Variants in MSH4 observed in about 807,000 individuals in gnomAD.
The protein encoded by MSH4 is mutS protein homolog 4.
Under a neutral mutation model 113.7 loss-of-function variants are expected in MSH4, and 106 were observed. The observed-to-expected ratio is 0.93, with a 90% CI of 0.80 to 1.10. The LOEUF is 1.10. MSH4 is among the 50% of genes least tolerant of loss of function. MSH4 has a pLI of 0.00. For synonymous variants in MSH4, 368 were observed against 380.2 expected (o/e 0.97, Z 0.37); for missense variants, 1,061 against 1,093.7 (o/e 0.97, Z 0.42).
chr1:75,880,168 A>G lies in MSH4; in HGVS notation c.1781+15A>G. 13 of 1,338,846 alleles carry G rather than the reference A, an allele frequency of 9.7e-6. No homozygotes were observed. The highest frequency in any genetic ancestry group is 1.4e-5 in the Non-Finnish European group (13 of 957,510). The allele number at this position is 1,338,846 out of a possible 1,614,324, so 82.9% of individuals were successfully genotyped here. Reference sequence around the variant, plus strand: ...ATGACTTATATGTAAGAGCATTTGAAGTATTTGAATATTGAATTAAATTGG... The same window carrying G: ...ATGACTTATATGTAAGAGCATTTGAGGTATTTGAATATTGAATTAAATTGG... On this transcript the variant is annotated intron_variant, in intron 13 of 19. Transcript: ENST00000263187.
chr1:75,837,839 C>T (rs1369036526), intron 7 of MSH4, among the ~76,000 whole-genome samples: 2 of 152,108 alleles, frequency 1.3e-5, no homozygotes, highest in African/African-American at 4.8e-5. Flanking sequence ...TGCTATATAC[C>T]TCTTGGATGT....
Position 75,912,896 on chromosome 1 carries a change from C to A in MSH4, c.*9C>A. On this transcript the variant is annotated 3_prime_UTR_variant, in exon 20 of 20. Transcript: ENST00000263187. Reference sequence around the variant, plus strand: ...AAAAGACTGAAGAATAATCACAATTCTAATGTAATAATATATCTTAATTCA... The same window carrying A: ...AAAAGACTGAAGAATAATCACAATTATAATGTAATAATATATCTTAATTCA... The A allele has an allele frequency of 6.8e-7, 1 of 1,465,042 alleles. No homozygotes were observed. The highest frequency in any genetic ancestry group is 9.1e-7 in the Non-Finnish European group (1 of 1,100,792). 90.8% of individuals were successfully genotyped at this position (1,465,042 alleles called of 1,614,324 possible). A position where few individuals can be genotyped will look rare whatever the true frequency, so the allele number is the denominator to read the frequency against.
intron 6 of MSH4, among the ~76,000 whole-genome samples, chr1:75,820,429 G>GC (rs1331257549): frequency 6.6e-6 from 1 of 152,182 alleles, no homozygotes; most frequent in Non-Finnish European, 1.5e-5. Flanking sequence ...GTAGAATTTG[G>GC]CTGTGAATCC....
At chr1:75,839,712 A>G (rs1376885838) in intron 7 of MSH4, among the ~76,000 whole-genome samples, 1 of 150,806 alleles carries the variant, frequency 6.6e-6, no homozygotes, top group Non-Finnish European at 1.5e-5. Context: ...AAAAGAAACT[A>G]CCATCAGAGT....
chr1:75,841,162 TCC>T (rs1650950783), intron 7 of MSH4, among the ~76,000 whole-genome samples: 1 of 33,814 alleles, frequency 3.0e-5, no homozygotes, highest in African/African-American at 6.7e-5. Flanking sequence ...TTTCCTTCCC[TCC>T]CTCCCTCCCT....
chr1:75,798,694 C>G (rs1453858452), intron 1 of MSH4, among the ~76,000 whole-genome samples: 2 of 151,330 alleles, frequency 1.3e-5, no homozygotes, highest in Non-Finnish European at 2.9e-5. Flanking sequence ...GTAGCTGGGA[C>G]CAAGGCATGT....
At chr1:75,887,155 G>A (rs1480059075) in intron 15 of MSH4, among the ~76,000 whole-genome samples, 6 of 152,036 alleles carry the variant, frequency 3.9e-5, no homozygotes, top group African/African-American at 1.4e-4. Context: ...CACGTGTCAA[G>A]GGAGGGACCT....
At chr1:75,800,244 G>C (rs1356975718) in intron 1 of MSH4, among the ~76,000 whole-genome samples, 1 of 151,976 alleles carries the variant, frequency 6.6e-6, no homozygotes, top group South Asian at 2.1e-4. Flanking sequence ...TTCTACACAC[G>C]TCTTTATGAT....
chr1:75,828,650 G>T (rs1481762838), intron 7 of MSH4, among the ~76,000 whole-genome samples: 9 of 152,104 alleles, frequency 5.9e-5, no homozygotes, highest in Admixed American at 5.9e-4. Flanking sequence ...AGCTATTGGG[G>T]ACTCCAAAAG....
At chr1:75,798,681 C>T (rs1488852140) in intron 1 of MSH4, among the ~76,000 whole-genome samples, 4 of 151,788 alleles carry the variant, frequency 2.6e-5, no homozygotes, top group Admixed American at 6.6e-5. Context: ...CTCAGCCTCC[C>T]GAGTAGCTGG....
At chr1:75,879,981 T>A in intron 12 of MSH4, 69 bp from the exon 13 acceptor site, 2 of 756,258 alleles carry the variant, frequency 2.6e-6, no homozygotes, top group Non-Finnish European at 2.3e-6. Context: ...CATATTTCTG[T>A]TGTTTAAAAT....
chr1:75,872,887 A>G (rs1651745022), intron 9 of MSH4, among the ~76,000 whole-genome samples: 1 of 152,224 alleles, frequency 6.6e-6, no homozygotes, highest in Non-Finnish European at 1.5e-5. Flanking sequence ...TGCCAGAACA[A>G]ATCGATAATG....
At chr1:75,846,429 G>A (rs535728686) in intron 7 of MSH4, among the ~76,000 whole-genome samples, 11 of 152,250 alleles carry the variant, frequency 7.2e-5, no homozygotes, top group African/African-American at 2.6e-4. Context: ...AAGAAGCTAT[G>A]CAACATCTTG....
chr1:75,880,030 GT>G lies in MSH4; in HGVS notation c.1678-14del. On this transcript the variant is annotated intron_variant, in intron 12 of 19. Transcript: ENST00000263187. ...GTAGTGTGCATTTATCTTGACATTT[GT>G]TTTTTAATCTCCAAGCAGATTTCTA... The G allele has an allele frequency of 7.9e-7, 1 of 1,260,292 alleles. No homozygotes were observed. The highest frequency in any genetic ancestry group is 1.2e-6 in the Non-Finnish European group (1 of 865,844). 78.1% of individuals were successfully genotyped at this position (1,260,292 alleles called of 1,614,324 possible). A position where few individuals can be genotyped will look rare whatever the true frequency, so the allele number is the denominator to read the frequency against.
intron 4 of MSH4, among the ~76,000 whole-genome samples, chr1:75,814,583 T>C (rs1650257194): frequency 6.6e-6 from 1 of 152,184 alleles, no homozygotes; most frequent in African/African-American, 2.4e-5. Context: ...TATAAGAATC[T>C]ACCCTTTCTC....
intron 2 of MSH4, among the ~76,000 whole-genome samples, chr1:75,805,606 C>T (rs1157682382): frequency 2.6e-5 from 4 of 151,418 alleles, no homozygotes; most frequent in South Asian, 2.1e-4. Flanking sequence ...AGGCTGGTCT[C>T]GAACTCCTGG....
intron 6 of MSH4, 43 bp from the exon 7 acceptor site, chr1:75,822,366 G>T: frequency 7.8e-7 from 1 of 1,285,252 alleles, no homozygotes; most frequent in Non-Finnish European, 1.1e-6. Context: ...ATTTTCTTGC[G>T]TTTTTCTTTG....
chr1:75,852,995 A>G (rs1170643925), intron 8 of MSH4, among the ~76,000 whole-genome samples: 1 of 152,162 alleles, frequency 6.6e-6, no homozygotes, highest in Non-Finnish European at 1.5e-5. Context: ...ATTACGTTAT[A>G]CAGAGCTGAG....
At chr1:75,896,702 C>T (rs1490109869) in intron 17 of MSH4, among the ~76,000 whole-genome samples, 2 of 152,032 alleles carry the variant, frequency 1.3e-5, no homozygotes, top group Admixed American at 1.3e-4. Context: ...ACACAGTATC[C>T]TTAGTGCCTA....
Sources: gnomAD v4.1 joint callset for allele counts (sites outside exome capture counted in the v4.1 genomes callset) on GRCh38, gnomAD v4.1.1 for gene constraint, MANE v1.5 for transcripts, NCBI Gene and HGNC (gene_info 2026-07-23, HGNC 2026-07-21) for gene names.